The following TRAPPC3L variants were observed in gnomAD, a reference collection of about 807,000 sequenced individuals.
TRAPPC3L encodes trafficking protein particle complex subunit 3L.
In TRAPPC3L, 23 loss-of-function variants were observed where a neutral mutation model predicts 23.7. The observed-to-expected ratio is 0.97, with a 90% CI of 0.70 to 1.37. The LOEUF (loss-of-function observed/expected upper bound fraction) is 1.37, where lower values mean the gene tolerates loss of function less well. TRAPPC3L is among the 40% of genes most tolerant of loss of function. TRAPPC3L has a pLI of 0.00. For synonymous variants in TRAPPC3L, 81 were observed against 77.9 expected, an observed-to-expected ratio of 1.04 and a Z score of -0.21; for missense variants, 212 against 216.8, an observed-to-expected ratio of 0.98 and a Z score of 0.14.
intron 3 of TRAPPC3L, among the ~76,000 whole-genome samples, chr6:116,534,664 C>T (rs1188757962): frequency 6.6e-6 from 1 of 152,190 alleles, no homozygotes; most frequent in Non-Finnish European, 1.5e-5. Flanking sequence ...AGATTTACTT[C>T]CCTGCTTTAG....
intron 3 of TRAPPC3L, chr6:116,517,608 G>A (rs1254414681): frequency 6.6e-6 from 1 of 152,128 alleles, no homozygotes; most frequent in Non-Finnish European, 1.5e-5. Flanking sequence ...CTATGTTATT[G>A]TCATTTACAA....
intron 3 of TRAPPC3L, among the ~76,000 whole-genome samples, chr6:116,503,327 A>G (rs541999961): frequency 2.0e-5 from 3 of 152,374 alleles, no homozygotes; most frequent in East Asian, 1.9e-4. Flanking sequence ...AGAGCTAACT[A>G]TCCTAAATAT....
chr6:116,542,003 A>C (rs1170736230), intron 2 of TRAPPC3L, among the ~76,000 whole-genome samples: 2 of 152,176 alleles, frequency 1.3e-5, no homozygotes, highest in African/African-American at 4.8e-5. Context: ...CATATTTGTT[A>C]AATGTGTACT....
At position 116,512,039 on chromosome 6, in the gene TRAPPC3L, C is replaced by G. The variant is rs11539385; in HGVS notation, c.241-11373G>C. Reference sequence around the variant, plus strand: ...CTCATTGGTGGCTCCAGTGATGTGGCTTTCTGTGGCTCTGCTCAATGGAAC... The same window carrying G: ...CTCATTGGTGGCTCCAGTGATGTGGGTTTCTGTGGCTCTGCTCAATGGAAC... On this transcript the variant is annotated intron_variant, in intron 3 of 4. Transcript: ENST00000368602. 9 of 1,613,888 alleles carry G rather than the reference C, an allele frequency of 5.6e-6. No homozygotes were observed. The Admixed American group carries it at 1.5e-4, about 27-fold the overall frequency.
rs573602584 is a variant in TRAPPC3L, at chr6:116,511,774, G to A, written c.241-11108C>T. 5 of 1,614,070 alleles carry A rather than the reference G, an allele frequency of 3.1e-6. No individual in the cohort carries two copies. In the South Asian group the frequency reaches 5.5e-5, roughly 18 times the overall value. On this transcript the variant is annotated intron_variant, in intron 3 of 4. Transcript: ENST00000368602. The stretch of plus-strand genomic sequence containing the variant: ...TTGGCTACAGCTTCATGGCTCTGCT[G>A]ACCGTGGGAAGTGAGCGTCTCTTTT...
At chr6:116,515,793 T>G (rs768554689) in intron 3 of TRAPPC3L, 1 of 1,614,018 alleles carries the variant, frequency 6.2e-7, no homozygotes, top group Admixed American at 1.7e-5. Context: ...CTGAAATGTT[T>G]TTTTGAAAAC....
chr6:116,519,654 C>T (rs1478311358), intron 3 of TRAPPC3L: 1 of 152,138 alleles, frequency 6.6e-6, no homozygotes, highest in Non-Finnish European at 1.5e-5. Context: ...TCTAATTTTC[C>T]CTGAAGATCT....
intron 4 of TRAPPC3L, among the ~76,000 whole-genome samples, chr6:116,498,618 T>C (rs1428010616): frequency 6.6e-6 from 1 of 152,258 alleles, no homozygotes; most frequent in Non-Finnish European, 1.5e-5. Context: ...CACCAATCTA[T>C]GACAGATTGT....
chr6:116,513,439 G>T (rs886700689), intron 3 of TRAPPC3L, among the ~76,000 whole-genome samples: 1 of 152,188 alleles, frequency 6.6e-6, no homozygotes, highest in Non-Finnish European at 1.5e-5. Flanking sequence ...GATTTATGGT[G>T]TATGTCCTCA....
At chr6:116,531,413 A>G (rs538706644) in intron 3 of TRAPPC3L, among the ~76,000 whole-genome samples, 4 of 152,226 alleles carry the variant, frequency 2.6e-5, no homozygotes, top group Non-Finnish European at 5.9e-5. Context: ...TTAGTAGGTA[A>G]TTATAAGAGC....
At chr6:116,511,327 C>T (rs1223151176) in intron 3 of TRAPPC3L, among the ~76,000 whole-genome samples, 2 of 150,524 alleles carry the variant, frequency 1.3e-5, no homozygotes, top group South Asian at 4.2e-4. Context: ...TCGGCTGAAA[C>T]CTCTTTCTGT....
At chr6:116,501,986 CTT>C (rs1771923309) in intron 3 of TRAPPC3L, among the ~76,000 whole-genome samples, 1 of 152,206 alleles carries the variant, frequency 6.6e-6, no homozygotes, top group Non-Finnish European at 1.5e-5. Context: ...GAACACAACT[CTT>C]TGCCAGCAAG....
intron 3 of TRAPPC3L, chr6:116,518,495 G>T (rs1486721074): frequency 6.6e-6 from 1 of 152,302 alleles, no homozygotes; most frequent in African/African-American, 2.4e-5. Flanking sequence ...ACAGAACAGG[G>T]ATTAGGGATG....
At position 116,500,365 on chromosome 6, in the gene TRAPPC3L, C is replaced by G; in HGVS notation, c.426+116G>C. On this transcript the variant is annotated intron_variant, in intron 4 of 4. Coordinates refer to ENST00000368602, the MANE Select transcript of TRAPPC3L (RefSeq NM_001139444.3). ...GCTACATTTTGGGGGTAATTTGTAA[C>G]ACACCATTAGATAACCAATATACCC... The G allele has an allele frequency of 4.3e-6, 4 of 929,798 alleles. No individual in the cohort carries two copies. The South Asian group carries it at 7.6e-5, about 18-fold the overall frequency. 57.6% of individuals were successfully genotyped at this position (929,798 alleles called of 1,614,324 possible).
intron 3 of TRAPPC3L, chr6:116,515,902 CCA>C (rs773950573): frequency 1.2e-6 from 2 of 1,613,916 alleles, no homozygotes; most frequent in South Asian, 2.2e-5. Context: ...ATAGCACCCT[CCA>C]CAGAGTGGTG....
chr6:116,509,091 T>TA (rs56112495), intron 3 of TRAPPC3L, among the ~76,000 whole-genome samples: 3,354 of 127,894 alleles, frequency 0.026, 51 homozygotes, highest in African/African-American at 0.03. Flanking sequence ...ATAAGAGTTG[T>TA]AAAAAAAAAA....
chr6:116,496,106 A>C lies in TRAPPC3L; in HGVS notation c.*848T>G, dbSNP rs904426168. 3.3e-5 allele frequency: 5 copies of C among 152,202 alleles called. No homozygotes were observed. Among genetic ancestry groups the C allele is most frequent in the African/African-American group, 1.2e-4 (5 of 41,446 alleles). 9.4% of individuals were successfully genotyped at this position (152,202 alleles called of 1,614,324 possible). A position where few individuals can be genotyped will look rare whatever the true frequency, so the allele number is the denominator to read the frequency against. Reference sequence around the variant, plus strand: ...TCTGGTGAAGATTACTGTGTATTTAATTCGGTACACTTGAATTTTAAATGT... The same window carrying C: ...TCTGGTGAAGATTACTGTGTATTTACTTCGGTACACTTGAATTTTAAATGT... On this transcript the variant is annotated 3_prime_UTR_variant, in exon 5 of 5. Coordinates refer to ENST00000368602, the MANE Select transcript of TRAPPC3L (RefSeq NM_001139444.3).
At chr6:116,511,896 T>A in intron 3 of TRAPPC3L, 2 of 1,614,102 alleles carry the variant, frequency 1.2e-6, no homozygotes, top group Non-Finnish European at 1.7e-6. Context: ...ATCCTGGGAT[T>A]CTTTCTGAAC....
Position 116,545,494 on chromosome 6 carries a change from T to G in TRAPPC3L, c.21A>C (p.Arg7=). Reference sequence around the variant, plus strand: ...TTACTATTTTATGGTATTCTGGTCTTCGGTGTGCAGGGCGAGACATAGTGC... The same window carrying G: ...TTACTATTTTATGGTATTCTGGTCTGCGGTGTGCAGGGCGAGACATAGTGC... The part of the protein sequence containing the change: MSRPAH[R]RPEYHKINKD... Residue 7 remains arginine (R), a synonymous_variant, in exon 1 of 5, where the codon CGA becomes CGC. Coordinates refer to ENST00000368602, the MANE Select transcript of TRAPPC3L (RefSeq NM_001139444.3). 1 of 1,548,722 alleles carries G rather than the reference T, an allele frequency of 6.5e-7. No individual in the cohort carries two copies. Among genetic ancestry groups the G allele is most frequent in the Non-Finnish European group, 8.7e-7 (1 of 1,145,278 alleles).
Sources: gnomAD v4.1 joint callset for allele counts (sites outside exome capture counted in the v4.1 genomes callset) on GRCh38, gnomAD v4.1.1 for gene constraint, MANE v1.5 for transcripts, NCBI Gene and HGNC (gene_info 2026-07-23, HGNC 2026-07-21) for gene names.